Variants in PHIP observed in about 807,000 individuals in gnomAD.
The protein encoded by PHIP is PHIP subunit of CUL4-Ring ligase complex.
PHIP carries 54 observed loss-of-function variants against 236.8 expected under a neutral mutation model. The ratio of observed to expected loss-of-function variants is 0.23; its 90% confidence interval spans 0.18 to 0.29. The LOEUF is 0.29. Ranked by LOEUF, PHIP falls within the 10% of genes least tolerant of loss-of-function variation. The pLI, the probability that PHIP is intolerant of heterozygous loss-of-function variation, is 1.00. For missense variants in PHIP, 1,370 were observed against 2,190.8 expected (o/e 0.63, Z 7.48); for synonymous variants, 756 against 718.9 (o/e 1.05, Z -0.83).
intron 28 of PHIP, 71 bp downstream of exon 28, chr6:78,965,874 T>G: frequency 8.1e-7 from 1 of 1,237,934 alleles, no homozygotes; most frequent in South Asian, 1.3e-5. Context: ...AGTCTCTTTA[T>G]CTCTTAATAG....
intron 35 of PHIP, among the ~76,000 whole-genome samples, chr6:78,953,500 G>A (rs1187004226): frequency 6.6e-6 from 1 of 152,180 alleles, no homozygotes; most frequent in Non-Finnish European, 1.5e-5. Context: ...AAATCCATAA[G>A]TTGTGAAAAC....
rs780288758 is a variant in PHIP at position 79,015,741 on chromosome 6, C to T, written c.1278G>A (p.Lys426=). Residue 426 remains lysine, a synonymous_variant, in exon 14 of 40, where the codon AAG becomes AAA. Transcript: ENST00000275034. ...QGIEDKITKM[K]VTMVAWDRHD... ...GTCGATCCCAAGCTACCATAGTAACCTTCATTTTTGTGATTTTATCTTCTA... is the reference window on the plus strand; with the variant it reads ...GTCGATCCCAAGCTACCATAGTAACTTTCATTTTTGTGATTTTATCTTCTA... 6.8e-6 allele frequency: 11 copies of T among 1,611,136 alleles called. No homozygotes were observed. The highest frequency in any genetic ancestry group is 9.3e-6 in the Non-Finnish European group (11 of 1,178,158).
chr6:79,015,254 TAAA>T (rs1278960149), intron 14 of PHIP, 38 bp from the exon 15 acceptor site: 1 of 1,507,158 alleles, frequency 6.6e-7, no homozygotes, highest in Non-Finnish European at 9.2e-7. Context: ...TCATAGATAT[TAAA>T]AAAGAAAGAA....
intron 15 of PHIP, among the ~76,000 whole-genome samples, chr6:79,009,078 T>G (rs9352683): frequency 0.45 from 68,899 of 151,792 alleles, 16,231 homozygotes; most frequent in East Asian, 0.69. Context: ...CTTATTCAAT[T>G]TCATACCTGA....
intron 28 of PHIP, 47 bp downstream of exon 28, chr6:78,965,897 AT>A: frequency 7.1e-7 from 1 of 1,414,342 alleles, no homozygotes; most frequent in Non-Finnish European, 1.0e-6. Flanking sequence ...GGAAAAAAAA[AT>A]TCAAAGCAAG....
chr6:78,990,015 T>A (rs979010832), intron 20 of PHIP, among the ~76,000 whole-genome samples: 2 of 152,044 alleles, frequency 1.3e-5, no homozygotes, highest in African/African-American at 4.8e-5. Context: ...TTTGAAGAGA[T>A]GAGTAATAAA....
intron 39 of PHIP, among the ~76,000 whole-genome samples, chr6:78,945,043 A>T (rs1773724199): frequency 6.6e-6 from 1 of 152,128 alleles, no homozygotes; most frequent in South Asian, 2.1e-4. Context: ...ACATTGGGTT[A>T]ACTATACCCT....
intron 24 of PHIP, among the ~76,000 whole-genome samples, chr6:78,972,385 C>G (rs1408968185): frequency 6.6e-6 from 1 of 152,164 alleles, no homozygotes; most frequent in African/African-American, 2.4e-5. Context: ...TGTACATCAC[C>G]ATCATCAAAG....
At position 78,959,086 on chromosome 6, in the gene PHIP, A is replaced by C. The variant is rs78807788; in HGVS notation, c.3657-486T>G. 5.7e-3 allele frequency among the ~76,000 whole-genome samples: 862 copies of C among 152,260 alleles called. 12 individuals carry two copies. The highest frequency in any genetic ancestry group is 0.02 in the African/African-American group (831 of 41,564). On this transcript the variant is annotated intron_variant, in intron 31 of 39. Transcript: ENST00000275034. Reference sequence around the variant, plus strand: ...CACCTTATGAGATACAAAATCATAAAAATATAGCATGCTAGTTTACCAAGA... The same window carrying C: ...CACCTTATGAGATACAAAATCATAACAATATAGCATGCTAGTTTACCAAGA...
Position 78,935,308 on chromosome 6 carries a change from G to A in PHIP, c.*5385C>T, listed in dbSNP as rs1401139641. Among the ~76,000 whole-genome samples the A allele has an allele frequency of 4.6e-5, 7 of 152,088 alleles. No individual in the cohort carries two copies. Among genetic ancestry groups the A allele is most frequent in the African/African-American group, 1.7e-4 (7 of 41,420 alleles). On this transcript the variant is annotated 3_prime_UTR_variant, in exon 40 of 40. Transcript: ENST00000275034. ...AACACAAAATTACAAATCACTCCAT[G>A]TGCTTAATTTGAAATGTTATGGCCT...
chr6:78,979,626 T>G (rs934812385), intron 23 of PHIP, among the ~76,000 whole-genome samples: 1 of 152,084 alleles, frequency 6.6e-6, no homozygotes, highest in African/African-American at 2.4e-5. Context: ...CTTGATGTTG[T>G]TACCTTAGAC....
At chr6:79,038,950 C>G (rs1191686138) in intron 7 of PHIP, among the ~76,000 whole-genome samples, 2 of 152,172 alleles carry the variant, frequency 1.3e-5, no homozygotes, top group African/African-American at 2.4e-5. Context: ...ATCTCACTCC[C>G]TACATACAAA....
chr6:79,040,851 G>A (rs1401010540), intron 7 of PHIP, among the ~76,000 whole-genome samples: 1 of 151,512 alleles, frequency 6.6e-6, no homozygotes, highest in East Asian at 1.9e-4. Flanking sequence ...ACTGAATTTA[G>A]CAAAACAAAT....
intron 22 of PHIP, among the ~76,000 whole-genome samples, chr6:78,983,989 G>A (rs1768709020): frequency 6.6e-6 from 1 of 152,034 alleles, no homozygotes; most frequent in Non-Finnish European, 1.5e-5. Context: ...TGTCTTAAAG[G>A]AACCTAAGTT....
At chr6:78,968,698 T>TA (rs577986464) in intron 27 of PHIP, among the ~76,000 whole-genome samples, 1 of 151,616 alleles carries the variant, frequency 6.6e-6, no homozygotes, top group South Asian at 2.1e-4. Flanking sequence ...AAACAGCATA[T>TA]AATTCCTTCC....
At chr6:78,951,555 T>C (rs1774151801) in intron 35 of PHIP, among the ~76,000 whole-genome samples, 1 of 152,190 alleles carries the variant, frequency 6.6e-6, no homozygotes, top group African/African-American at 2.4e-5. Context: ...TTTTCTCTTC[T>C]GTGACAGTAA....
At chr6:79,039,416 T>TACC (rs1173871529) in intron 7 of PHIP, among the ~76,000 whole-genome samples, 1 of 150,240 alleles carries the variant, frequency 6.7e-6, no homozygotes, top group African/African-American at 2.4e-5. Context: ...AAATTTCCCT[T>TACC]ACCATCTCCT....
Position 78,940,550 on chromosome 6 carries a change from T to TG in PHIP, c.*142_*143insC, listed in dbSNP as rs1773441281. ...GAAGTGAAGTGTCTCGTAAGTTTGT[T>TG]TTTTTTTTTTTTTTTTTTTTTGCAA... On this transcript the variant is annotated 3_prime_UTR_variant, in exon 40 of 40. Coordinates refer to ENST00000275034, the MANE Select transcript of PHIP (RefSeq NM_017934.7). The TG allele has an allele frequency of 7.9e-4, 100 of 126,736 alleles. 5 individuals are homozygous for TG. The South Asian group carries it at 0.012, about 16-fold the overall frequency. The allele number at this position is 126,736 out of a possible 1,614,324, so 7.9% of individuals were successfully genotyped here.
chr6:78,975,000 G>A (rs1397404968), intron 24 of PHIP, among the ~76,000 whole-genome samples: 1 of 151,252 alleles, frequency 6.6e-6, no homozygotes, highest in Non-Finnish European at 1.5e-5. Context: ...AGAAAAAGAG[G>A]GAATCCCCCC....
Sources: gnomAD v4.1 joint callset for allele counts (sites outside exome capture counted in the v4.1 genomes callset) on GRCh38, gnomAD v4.1.1 for gene constraint, MANE v1.5 for transcripts, NCBI Gene and HGNC (gene_info 2026-07-23, HGNC 2026-07-21) for gene names.